Variants in RBM27 observed in about 807,000 individuals in gnomAD.
The protein encoded by RBM27 is RNA-binding protein 27.
A neutral mutation model predicts 135.3 loss-of-function variants in RBM27; 22 were observed. The observed-to-expected ratio is 0.16, with a 90% CI of 0.12 to 0.23. The LOEUF (loss-of-function observed/expected upper bound fraction) is 0.23, where lower values mean the gene tolerates loss of function less well. RBM27 is among the 10% of genes least tolerant of loss of function. The probability of loss-of-function intolerance (pLI) is 1.00; values close to 1 mark genes in which losing one functional copy is unlikely to be tolerated. For missense variants in RBM27, 1,009 were observed against 1,281.0 expected, an observed-to-expected ratio of 0.79 and a Z score of 3.24; for synonymous variants, 481 against 442.4, an observed-to-expected ratio of 1.09 and a Z score of -1.10.
chr5:146,244,283 C>T (rs1431692201), intron 8 of RBM27, among the ~76,000 whole-genome samples: 1 of 152,054 alleles, frequency 6.6e-6, no homozygotes, highest in Non-Finnish European at 1.5e-5. Flanking sequence ...ATTGCTTGAG[C>T]CCAGGAGTTC....
intron 8 of RBM27, among the ~76,000 whole-genome samples, chr5:146,240,330 GTCTA>G (rs1225553934): frequency 1.9e-4 from 28 of 149,716 alleles, no homozygotes; most frequent in Non-Finnish European, 2.5e-4. Flanking sequence ...CTGTCTGTCT[GTCTA>G]TCTGTCTGTC....
rs2126937501 is a variant in RBM27 at position 146,289,011 on chromosome 5, T to G, written c.*2981T>G. 6.6e-6 allele frequency: 1 copy of G among 152,264 alleles called. No homozygotes were observed. The highest frequency in any genetic ancestry group is 3.4e-3 in the Middle Eastern group (1 of 294). The allele number at this position is 152,264 out of a possible 1,614,324, so 9.4% of individuals were successfully genotyped here. ...GTATAATAGGAGATATTGTTGAATT[T>G]CTAACTGTTTATACATTTAAATTCA... On this transcript the variant is annotated 3_prime_UTR_variant, in exon 21 of 21. Transcript: ENST00000265271.
At chr5:146,276,208 A>AT (rs1020917166) in intron 19 of RBM27, among the ~76,000 whole-genome samples, 6 of 148,414 alleles carry the variant, frequency 4.0e-5, no homozygotes, top group East Asian at 4.0e-4. Context: ...GTTTTCTTTT[A>AT]TTTTTTTGTT....
intron 19 of RBM27, among the ~76,000 whole-genome samples, chr5:146,282,000 CT>C (rs777368235): frequency 8.8e-4 from 89 of 101,478 alleles, no homozygotes; most frequent in East Asian, 2.2e-3. Flanking sequence ...TATTTTTCAT[CT>C]TTTTTTTTTT....
intron 10 of RBM27, among the ~76,000 whole-genome samples, chr5:146,255,869 T>G (rs1347027460): frequency 6.6e-6 from 1 of 151,976 alleles, no homozygotes; most frequent in Admixed American, 6.6e-5. Flanking sequence ...TTCTTTTTTT[T>G]TTTTGAAATG....
chr5:146,242,565 G>T (rs761101938), intron 8 of RBM27, among the ~76,000 whole-genome samples: 2 of 152,098 alleles, frequency 1.3e-5, no homozygotes, highest in Non-Finnish European at 2.9e-5. Context: ...TTAAAAAGGG[G>T]ATGTGTAGTA....
At chr5:146,242,774 T>G (rs1223325911) in intron 8 of RBM27, among the ~76,000 whole-genome samples, 1 of 151,882 alleles carries the variant, frequency 6.6e-6, no homozygotes, top group Admixed American at 6.6e-5. Flanking sequence ...TTTTTTGTAT[T>G]TTTAGTAAAG....
intron 1 of RBM27, among the ~76,000 whole-genome samples, chr5:146,211,496 C>CTTTTTTTTTTTTTTTTG (rs1554077134): frequency 1.4e-5 from 1 of 71,142 alleles, no homozygotes; most frequent in Non-Finnish European, 2.6e-5. Flanking sequence ...TTTTTTTTTA[C>CTTTTTTTTTTTTTTTTG]TTTGAGAGGA....
intron 10 of RBM27, 48 bp from the exon 11 acceptor site, chr5:146,258,401 A>T: frequency 6.9e-7 from 1 of 1,443,524 alleles, no homozygotes; most frequent in Non-Finnish European, 9.2e-7. Context: ...TATATTAATC[A>T]TTGAGACTCC....
rs140993282 is a variant in RBM27 at position 146,277,824 on chromosome 5, C to T, written c.2988+6150C>T. Among the ~76,000 whole-genome samples, 683 of 151,928 alleles carry T rather than the reference C, an allele frequency of 4.5e-3. 3 individuals carry two copies. The highest frequency in any genetic ancestry group is 0.016 in the African/African-American group (642 of 41,410). The stretch of plus-strand genomic sequence containing the variant: ...CTGGGATTACAGGCATGAGCCACCG[C>T]GCCTGGCCAATAATTTTTCATTATG... On this transcript the variant is annotated intron_variant, in intron 19 of 20. Transcript: ENST00000265271.
intron 8 of RBM27, among the ~76,000 whole-genome samples, chr5:146,238,908 A>G (rs1271450615): frequency 6.6e-6 from 1 of 152,176 alleles, no homozygotes; most frequent in African/African-American, 2.4e-5. Flanking sequence ...AATGAGAATA[A>G]TATTACCTCA....
chr5:146,274,075 C>T (rs1758984045), intron 19 of RBM27, among the ~76,000 whole-genome samples: 1 of 152,118 alleles, frequency 6.6e-6, no homozygotes, highest in South Asian at 2.1e-4. Flanking sequence ...ACCTCCACCT[C>T]CTGGGTTCAA....
In RBM27 at chr5:146,271,617, A is replaced by C; in HGVS notation, c.2931A>C (p.Ala977=). 1 of 1,614,090 alleles carries C rather than the reference A, an allele frequency of 6.2e-7. No homozygotes were observed. The highest frequency in any genetic ancestry group is 8.5e-7 in the Non-Finnish European group (1 of 1,179,962). ...TGGTGGTGGACCATCGTCCCAAAGC[A>C]CTAACAGTTGGAGGATTCATTGAGG... ...NHMVVDHRPK[A]LTVGGFIEEE... The change falls in exon 19 of 21, where the codon GCA becomes GCC. Residue 977 remains alanine, a synonymous_variant. Transcript: ENST00000265271.
chr5:146,261,307 C>T (rs1024965947), intron 12 of RBM27: 8 of 603,680 alleles, frequency 1.3e-5, no homozygotes, highest in Non-Finnish European at 2.0e-5. Flanking sequence ...TTAAGGCCAC[C>T]GATACTATTC....
intron 1 of RBM27, among the ~76,000 whole-genome samples, chr5:146,215,140 C>T (rs1308211463): frequency 6.6e-6 from 1 of 152,138 alleles, no homozygotes; most frequent in Non-Finnish European, 1.5e-5. Flanking sequence ...ACCTCTGCCT[C>T]CCAGGCTCAA....
At chr5:146,236,695 C>G (rs1757173891) in intron 7 of RBM27, among the ~76,000 whole-genome samples, 1 of 152,022 alleles carries the variant, frequency 6.6e-6, no homozygotes, top group African/African-American at 2.4e-5. Context: ...GTGATTTCGG[C>G]TCACTGCAGC....
At chr5:146,253,489 A>G (rs2126825571) in intron 9 of RBM27, among the ~76,000 whole-genome samples, 1 of 152,222 alleles carries the variant, frequency 6.6e-6, no homozygotes, top group Admixed American at 6.6e-5. Context: ...ACATTTTATT[A>G]GAGGGAGACA....
At chr5:146,225,701 G>T (rs1453715103) in intron 3 of RBM27, among the ~76,000 whole-genome samples, 1 of 152,046 alleles carries the variant, frequency 6.6e-6, no homozygotes, top group East Asian at 1.9e-4. Context: ...AAGTAGCTGG[G>T]ATTACAGGCA....
intron 7 of RBM27, among the ~76,000 whole-genome samples, chr5:146,235,655 T>TA (rs147268767): frequency 0.067 from 10,131 of 152,182 alleles, 382 homozygotes; most frequent in African/African-American, 0.081. Flanking sequence ...TGTTTTTTTT[T>TA]AACTTAGCAT....
Sources: allele counts gnomAD v4.1 joint callset (sites outside exome capture counted in the v4.1 genomes callset), GRCh38; gene constraint gnomAD v4.1.1; transcripts MANE v1.5; gene names NCBI Gene and HGNC (gene_info 2026-07-23, HGNC 2026-07-21).